HECW2: variants seen among roughly 807,000 people sequenced by gnomAD.
HECW2 encodes E3 ubiquitin-protein ligase HECW2.
In HECW2, 61 loss-of-function variants were observed where a neutral mutation model predicts 175.2. The ratio of observed to expected loss-of-function variants is 0.35; its 90% CI spans 0.28 to 0.43. HECW2 has a LOEUF of 0.43. Among genes scored for constraint, HECW2 ranks in the 20% least tolerant of loss-of-function variants. HECW2 has a pLI of 1.00. For synonymous variants in HECW2, 671 were observed against 731.0 expected (o/e 0.92, Z 1.32); for missense variants, 1,524 against 2,000.5 (o/e 0.76, Z 4.54).
intron 4 of HECW2, 58 bp downstream of exon 4, chr2:196,334,366 A>G (rs1692473087): frequency 7.5e-7 from 1 of 1,332,696 alleles, no homozygotes; most frequent in South Asian, 1.2e-5. Context: ...ACAGGTAAAA[A>G]TAGAAATCAA....
intron 2 of HECW2, among the ~76,000 whole-genome samples, chr2:196,409,485 G>C (rs1361088113): frequency 6.6e-6 from 1 of 152,130 alleles, no homozygotes; most frequent in African/African-American, 2.4e-5. Context: ...GCAAGACATG[G>C]ATCAATCTTC....
At chr2:196,552,397 T>G (rs1007291718) in intron 1 of HECW2, among the ~76,000 whole-genome samples, 2 of 152,182 alleles carry the variant, frequency 1.3e-5, no homozygotes, top group African/African-American at 4.8e-5. Context: ...TCATGACAAC[T>G]ATTTCTTACT....
chr2:196,381,103 C>T (rs1694195246), intron 2 of HECW2, among the ~76,000 whole-genome samples: 1 of 152,068 alleles, frequency 6.6e-6, no homozygotes, highest in Non-Finnish European at 1.5e-5. Flanking sequence ...GTAGGAAAAC[C>T]CTACCCGGCT....
chr2:196,561,510 T>C (rs939918596), intron 1 of HECW2, among the ~76,000 whole-genome samples: 4 of 152,138 alleles, frequency 2.6e-5, no homozygotes, highest in African/African-American at 9.7e-5. Context: ...ATTCGTACAC[T>C]CCCTCCTCTT....
chr2:196,313,049 A>T (rs1478458167), intron 10 of HECW2, among the ~76,000 whole-genome samples: 3 of 152,192 alleles, frequency 2.0e-5, no homozygotes, highest in African/African-American at 7.2e-5. Context: ...ACATCCTGGG[A>T]TCCTATCAGA....
At chr2:196,437,682 A>G (rs535751193) in intron 1 of HECW2, among the ~76,000 whole-genome samples, 5 of 151,878 alleles carry the variant, frequency 3.3e-5, no homozygotes, top group South Asian at 2.1e-4. Flanking sequence ...GCAAGCCCCA[A>G]TGTGACACAG....
intron 2 of HECW2, among the ~76,000 whole-genome samples, chr2:196,419,727 G>C (rs1695357597): frequency 6.6e-6 from 1 of 152,256 alleles, no homozygotes; most frequent in South Asian, 2.1e-4. Context: ...GTGGCTACCT[G>C]GCTACTCGCG....
At chr2:196,586,680 C>G (rs1180573737) in intron 1 of HECW2, 1 of 124,080 alleles carries the variant, frequency 8.1e-6, no homozygotes, top group Non-Finnish European at 1.7e-5. Flanking sequence ...TGTACCTGAG[C>G]CCAGTACCCT....
chr2:196,529,325 GT>G (rs1688768703), intron 1 of HECW2, among the ~76,000 whole-genome samples: 1 of 152,082 alleles, frequency 6.6e-6, no homozygotes, highest in Non-Finnish European at 1.5e-5. Context: ...ACTCAATTTT[GT>G]TTGGTAATAG....
chr2:196,377,481 G>C (rs1694083251), intron 2 of HECW2, among the ~76,000 whole-genome samples: 1 of 152,198 alleles, frequency 6.6e-6, no homozygotes. Flanking sequence ...TTACATGGTA[G>C]CAGGCAAGAG....
At chr2:196,292,939 G>A (rs1039648267) in intron 13 of HECW2, among the ~76,000 whole-genome samples, 189 bp from the exon 14 acceptor site, 3 of 152,138 alleles carry the variant, frequency 2.0e-5, no homozygotes, top group African/African-American at 7.2e-5. Context: ...GAAACATAAA[G>A]ACTACAGAAG....
At chr2:196,254,620 G>A (rs962644788) in intron 18 of HECW2, among the ~76,000 whole-genome samples, 1 of 152,108 alleles carries the variant, frequency 6.6e-6, no homozygotes, top group African/African-American at 2.4e-5. Flanking sequence ...TGAAATGTCT[G>A]TTTCTGATAT....
chr2:196,358,913 T>C (rs1054067183), intron 2 of HECW2, among the ~76,000 whole-genome samples: 25 of 152,292 alleles, frequency 1.6e-4, no homozygotes, highest in Admixed American at 9.2e-4. Context: ...AGTATCTCCA[T>C]ACTGCCCAGT....
intron 21 of HECW2, among the ~76,000 whole-genome samples, chr2:196,232,569 T>C (rs973205539): frequency 6.6e-6 from 1 of 152,238 alleles, no homozygotes; most frequent in East Asian, 1.9e-4. Context: ...GAGTGGTATA[T>C]TGATTCAATG....
chr2:196,275,334 C>T (rs1689902348), intron 15 of HECW2, among the ~76,000 whole-genome samples: 1 of 152,102 alleles, frequency 6.6e-6, no homozygotes, highest in African/African-American at 2.4e-5. Flanking sequence ...AAGAAGAAAA[C>T]ATGATTATCT....
rs73049039 is a variant in HECW2 at position 196,420,536 on chromosome 2, A to G, written c.292+12596T>C. Among the ~76,000 whole-genome samples the G allele has an allele frequency of 8.7e-3, 1,328 of 152,358 alleles. 15 individuals carry two copies. Among genetic ancestry groups the G allele is most frequent in the African/African-American group, 0.03 (1,250 of 41,578 alleles). On this transcript the variant is annotated intron_variant, in intron 2 of 28. Coordinates refer to ENST00000644978, the MANE Select transcript of HECW2 (RefSeq NM_001348768.2). ...AGAAAATGAAGAGAAGATTTTGGATATATCTGACACCTTTCATCATAACCT... is the reference window on the plus strand; with the variant it reads ...AGAAAATGAAGAGAAGATTTTGGATGTATCTGACACCTTTCATCATAACCT...
rs1686747804 is a variant in HECW2 at position 196,198,164 on chromosome 2, G to A, written c.*3113C>T. Reference sequence around the variant, plus strand: ...GAAGGGAAACAGGGAAACTTTCCCTGTTTTGGCATTTCACTGATAATTTCA... The same window carrying A: ...GAAGGGAAACAGGGAAACTTTCCCTATTTTGGCATTTCACTGATAATTTCA... On this transcript the variant is annotated 3_prime_UTR_variant, in exon 29 of 29. Coordinates refer to ENST00000644978, the MANE Select transcript of HECW2 (RefSeq NM_001348768.2). 6.6e-6 allele frequency: 1 copy of A among 152,128 alleles called. No individual in the cohort carries two copies. The highest frequency in any genetic ancestry group is 1.5e-5 in the Non-Finnish European group (1 of 68,012). 9.4% of individuals were successfully genotyped at this position (152,128 alleles called of 1,614,324 possible).
chr2:196,442,021 C>T (rs1038206115), intron 1 of HECW2, among the ~76,000 whole-genome samples: 1 of 151,968 alleles, frequency 6.6e-6, no homozygotes, highest in Non-Finnish European at 1.5e-5. Context: ...AAGGGATGTA[C>T]ACAAATAGAA....
intron 28 of HECW2, among the ~76,000 whole-genome samples, chr2:196,204,716 A>T (rs1204169153): frequency 6.6e-6 from 1 of 152,250 alleles, no homozygotes; most frequent in Non-Finnish European, 1.5e-5. Context: ...GTTTTGCATC[A>T]GTAGAACCAG....
Sources: allele counts gnomAD v4.1 joint callset (sites outside exome capture counted in the v4.1 genomes callset), GRCh38; gene constraint gnomAD v4.1.1; transcripts MANE v1.5; gene names NCBI Gene and HGNC (gene_info 2026-07-23, HGNC 2026-07-21).